FER1L6: variants seen among roughly 807,000 people sequenced by gnomAD.
FER1L6 encodes fer-1 like family member 6.
Under a neutral mutation model 219.2 loss-of-function variants are expected in FER1L6, and 177 were observed. That is an observed-to-expected ratio of 0.81 (90% CI 0.71 to 0.91). The LOEUF (loss-of-function observed/expected upper bound fraction) is 0.91, where lower values mean the gene tolerates loss of function less well. Ranked by LOEUF, FER1L6 falls within the 40% of genes least tolerant of loss-of-function variation. The pLI, the probability that FER1L6 is intolerant of heterozygous loss-of-function variation, is 0.00. For missense variants in FER1L6, 2,153 were observed against 2,259.9 expected (o/e 0.95, Z 0.96); for synonymous variants, 768 against 824.3 (o/e 0.93, Z 1.17).
intron 1 of FER1L6, among the ~76,000 whole-genome samples, chr8:123,898,502 G>A (rs1162865673): frequency 6.6e-6 from 1 of 151,504 alleles, no homozygotes; most frequent in Non-Finnish European, 1.5e-5. Context: ...TCATAGCTTA[G>A]CTCCCTCATG....
chr8:124,027,697 C>T (rs541500477), intron 18 of FER1L6, among the ~76,000 whole-genome samples: 104 of 152,250 alleles, frequency 6.8e-4, no homozygotes, highest in Non-Finnish European at 1.1e-3. Context: ...ATAGCTAGGT[C>T]GACAGGCATG....
At chr8:124,081,117 A>G (rs1359842571) in intron 32 of FER1L6, among the ~76,000 whole-genome samples, 1 of 152,150 alleles carries the variant, frequency 6.6e-6, no homozygotes, top group Non-Finnish European at 1.5e-5. Flanking sequence ...CCCTGTGGAC[A>G]TGCAGGGAAA....
chr8:123,966,224 T>G lies in FER1L6; in HGVS notation c.318T>G (p.Ile106Met), dbSNP rs1815533598. The part of the protein sequence containing the change: ...VGENIDPVVT[I>M]EIGDEKKQST... ...AGAACATTGACCCAGTTGTGACCAT[T>G]GAGATTGGGGATGAGAAGAAGCAAA... is the stretch of plus-strand genomic sequence containing the variant. Residue 106 changes from isoleucine (I) to methionine (M), a missense_variant, in exon 5 of 41, where the codon ATT becomes ATG. Ile to Met is a conservative substitution (Grantham distance 10). Transcript: ENST00000522917. 1.5e-5 allele frequency: 24 copies of G among 1,614,098 alleles called. No homozygotes were observed. The highest frequency in any genetic ancestry group is 1.5e-5 in the Non-Finnish European group (18 of 1,179,984).
chr8:124,005,890 G>T lies in FER1L6; in HGVS notation c.1700+2543G>T, dbSNP rs374963077. ...AGGACAAAGCAGAATGGAGTCCATTGAAATAGTCTTAGCTGTTTGTCCTCT... is the reference window on the plus strand; with the variant it reads ...AGGACAAAGCAGAATGGAGTCCATTTAAATAGTCTTAGCTGTTTGTCCTCT... On this transcript the variant is annotated intron_variant, in intron 13 of 40. Coordinates refer to ENST00000522917, the MANE Select transcript of FER1L6 (RefSeq NM_001039112.2). Among the ~76,000 whole-genome samples, 4 of 152,294 alleles carry T rather than the reference G, an allele frequency of 2.6e-5. No homozygotes were observed. The East Asian group carries it at 7.7e-4, about 29-fold the overall frequency.
At chr8:123,974,031 T>C (rs1815939876) in intron 7 of FER1L6, among the ~76,000 whole-genome samples, 1 of 152,212 alleles carries the variant, frequency 6.6e-6, no homozygotes, top group Non-Finnish European at 1.5e-5. Context: ...ATACAAAGGA[T>C]TTGCTGTACT....
chr8:123,969,451 G>A (rs1345623447), intron 5 of FER1L6, among the ~76,000 whole-genome samples: 1 of 152,118 alleles, frequency 6.6e-6, no homozygotes, highest in Non-Finnish European at 1.5e-5. Context: ...TGACACTATC[G>A]AGGGTTGATA....
intron 22 of FER1L6, among the ~76,000 whole-genome samples, chr8:124,058,422 T>C (rs1328100675): frequency 6.6e-6 from 1 of 152,262 alleles, no homozygotes; most frequent in East Asian, 1.9e-4. Flanking sequence ...TGTTTTTCCC[T>C]GGCCTATGTG....
intron 21 of FER1L6, among the ~76,000 whole-genome samples, chr8:124,046,990 A>T (rs1373362443): frequency 6.6e-6 from 1 of 152,208 alleles, no homozygotes; most frequent in Non-Finnish European, 1.5e-5. Context: ...GTGTATATTT[A>T]TGGAAGAGGA....
rs1022962227 is a variant in FER1L6, at chr8:123,875,156, C to G, written c.-8+22971C>G. On this transcript the variant is annotated intron_variant, in intron 1 of 40. Transcript: ENST00000522917. ...GTTGCAGTGAGCCAAGATGACACTACTGCACTCCAGCCTGGTGATAAGAGT... is the reference window on the plus strand; with the variant it reads ...GTTGCAGTGAGCCAAGATGACACTAGTGCACTCCAGCCTGGTGATAAGAGT... 8.5e-5 allele frequency among the ~76,000 whole-genome samples: 13 copies of G among 152,236 alleles called. No individual in the cohort carries two copies. The Middle Eastern group carries it at 0.02, about 239-fold the overall frequency.
At chr8:123,978,831 C>A (rs1191162110) in intron 10 of FER1L6, among the ~76,000 whole-genome samples, 1 of 152,100 alleles carries the variant, frequency 6.6e-6, no homozygotes, top group East Asian at 1.9e-4. Context: ...AAATAAATAC[C>A]TTTGTCTAAA....
At chr8:124,073,467 ATAAT>A (rs1364031078) in intron 31 of FER1L6, among the ~76,000 whole-genome samples, 1 of 152,202 alleles carries the variant, frequency 6.6e-6, no homozygotes, top group African/African-American at 2.4e-5. Flanking sequence ...TCTCGTACTA[ATAAT>A]TAAATGAATT....
chr8:123,903,395 C>A (rs1193116582), intron 1 of FER1L6, among the ~76,000 whole-genome samples: 1 of 152,182 alleles, frequency 6.6e-6, no homozygotes, highest in Non-Finnish European at 1.5e-5. Flanking sequence ...ATGATCGTAA[C>A]ATCGTTCTCA....
intron 15 of FER1L6, chr8:124,013,774 CTG>C (rs1490622099): frequency 1.1e-5 from 3 of 273,060 alleles, no homozygotes; most frequent in Non-Finnish European, 2.1e-5. Flanking sequence ...TACAGAGACT[CTG>C]TAGGAAACAA....
intron 1 of FER1L6, among the ~76,000 whole-genome samples, chr8:123,915,639 A>G (rs1392115162): frequency 2.0e-5 from 3 of 152,214 alleles, no homozygotes; most frequent in Non-Finnish European, 4.4e-5. Flanking sequence ...ACGTTTACAG[A>G]TTAGTAGTCT....
intron 22 of FER1L6, among the ~76,000 whole-genome samples, chr8:124,054,132 C>T (rs530976820): frequency 2.0e-5 from 3 of 152,268 alleles, no homozygotes; most frequent in East Asian, 1.9e-4. Flanking sequence ...CTCATCTGAA[C>T]GTTACATTGG....
chr8:124,035,242 CTAA>C (rs750238337), intron 18 of FER1L6, 32 bp from the exon 19 acceptor site: 1 of 1,597,392 alleles, frequency 6.3e-7, no homozygotes, highest in African/African-American at 1.3e-5. Flanking sequence ...TTATCTCCTA[CTAA>C]TAAGTCAGTC....
rs945431419 is a variant in FER1L6, at chr8:123,986,133, C to A, written c.1476C>A (p.Asp492Glu). 19 of 1,613,394 alleles carry A rather than the reference C, an allele frequency of 1.2e-5. No individual in the cohort carries two copies. The highest frequency in any genetic ancestry group is 1.7e-5 in the Admixed American group (1 of 60,006). The change falls in exon 12 of 41, where the codon GAC becomes GAA. Residue 492 changes from aspartate (D) to glutamate (E), a missense_variant. Asp to Glu is a conservative substitution (Grantham distance 45). Transcript: ENST00000522917. ...FGAFFEATMI[D>E]RKIGDKPISF... ...CATTTTTTGAAGCTACCATGATTGACCGGAAGATTGGAGATAAACCCATCA... is the reference window on the plus strand; with the variant it reads ...CATTTTTTGAAGCTACCATGATTGAACGGAAGATTGGAGATAAACCCATCA...
chr8:123,923,896 C>T lies in FER1L6; in HGVS notation c.-7-32096C>T, dbSNP rs890311560. Among the ~76,000 whole-genome samples the T allele has an allele frequency of 8.3e-5, 12 of 144,110 alleles. No individual in the cohort carries two copies. In the Admixed American group the frequency reaches 8.6e-4, roughly 10 times the overall value. 94.5% of individuals were successfully genotyped at this position (144,110 alleles called of 152,430 possible). On this transcript the variant is annotated intron_variant, in intron 1 of 40. Coordinates refer to ENST00000522917, the MANE Select transcript of FER1L6 (RefSeq NM_001039112.2). ...AGGCAGCTGCAGTGAGCCGAGATCACGCCCCCGCGCTCCAGCCTGGACTAC... is the reference window on the plus strand; with the variant it reads ...AGGCAGCTGCAGTGAGCCGAGATCATGCCCCCGCGCTCCAGCCTGGACTAC...
At chr8:124,046,106 T>G (rs552488357) in intron 21 of FER1L6, 86 of 513,850 alleles carry the variant, frequency 1.7e-4, no homozygotes, top group Non-Finnish European at 2.5e-4. Flanking sequence ...AAAGAGTTTT[T>G]CACTGACTTC....
Sources: allele counts gnomAD v4.1 joint callset (sites outside exome capture counted in the v4.1 genomes callset), GRCh38; gene constraint gnomAD v4.1.1; transcripts MANE v1.5; gene names NCBI Gene and HGNC (gene_info 2026-07-23, HGNC 2026-07-21).